Variants in CLSTN1 observed in about 807,000 individuals in gnomAD.
CLSTN1 encodes the protein calsyntenin 1.
Under a neutral mutation model 108.3 loss-of-function variants are expected in CLSTN1, and 28 were observed. The ratio of observed to expected loss-of-function variants is 0.26; its 90% CI spans 0.19 to 0.35. CLSTN1 has a LOEUF of 0.35. Ranked by LOEUF, CLSTN1 falls within the 10% of genes least tolerant of loss-of-function variation. The pLI, the probability that CLSTN1 is intolerant of heterozygous loss-of-function variation, is 1.00. For missense variants in CLSTN1, 1,157 were observed against 1,302.6 expected, an observed-to-expected ratio of 0.89 and a Z score of 1.72; for synonymous variants, 524 against 534.9, an observed-to-expected ratio of 0.98 and a Z score of 0.28.
At chr1:9,775,034 A>G (rs1482082342) in intron 1 of CLSTN1, among the ~76,000 whole-genome samples, 3 of 152,060 alleles carry the variant, frequency 2.0e-5, no homozygotes, top group African/African-American at 7.2e-5. Flanking sequence ...ATGTATTTTA[A>G]TTAGTGTATA....
Position 9,741,163 on chromosome 1 carries a change from C to A in CLSTN1, c.1450G>T (p.Val484Leu), listed in dbSNP as rs1296316873. Residue 484 changes from valine (V) to leucine (L), a missense_variant, in exon 10 of 19, where the codon GTG becomes TTG. Coordinates refer to ENST00000377298, the MANE Select transcript of CLSTN1 (RefSeq NM_001009566.3). The part of the protein sequence containing the change: ...VDGTSHEPFS[V>L]TEDYPLHPSK... ...GGATGGAGCGGGTAATCCTCAGTCA[C>A]AGAGAAGGGCTCGTGGGACGTGCCA... is the stretch of plus-strand genomic sequence containing the variant. The A allele has an allele frequency of 6.2e-7, 1 of 1,614,156 alleles. No individual in the cohort carries two copies. Among genetic ancestry groups the A allele is most frequent in the Non-Finnish European group, 8.5e-7 (1 of 1,180,022 alleles).
chr1:9,821,790 A>C (rs1655200365), intron 1 of CLSTN1, among the ~76,000 whole-genome samples: 1 of 152,236 alleles, frequency 6.6e-6, no homozygotes, highest in East Asian at 1.9e-4. Flanking sequence ...ACCTGAAAAA[A>C]ATGCATACGA....
In CLSTN1 at chr1:9,751,801, C is replaced by T. The variant is rs1278350989; in HGVS notation, c.441-120G>A. On this transcript the variant is annotated intron_variant, in intron 4 of 18. Transcript: ENST00000377298. Reference sequence around the variant, plus strand: ...ACTTTAAAATTTCCTGTTTCTGATACCTTGTTTCATGAAATTCATATGATG... The same window carrying T: ...ACTTTAAAATTTCCTGTTTCTGATATCTTGTTTCATGAAATTCATATGATG... 3.8e-6 allele frequency: 3 copies of T among 785,860 alleles called. No homozygotes were observed. In the African/African-American group the frequency reaches 5.2e-5, roughly 14 times the overall value. 48.7% of individuals were successfully genotyped at this position (785,860 alleles called of 1,614,324 possible). A position where few individuals can be genotyped will look rare whatever the true frequency, so the allele number is the denominator to read the frequency against.
At chr1:9,781,871 T>C (rs1401165452) in intron 1 of CLSTN1, among the ~76,000 whole-genome samples, 1 of 152,210 alleles carries the variant, frequency 6.6e-6, no homozygotes, top group East Asian at 1.9e-4. Flanking sequence ...GCTGTGCCTG[T>C]AGTGGAACCC....
At chr1:9,743,851 C>G (rs374099815) in intron 9 of CLSTN1, 33 bp downstream of exon 9, 4 of 1,612,076 alleles carry the variant, frequency 2.5e-6, no homozygotes, top group Admixed American at 3.3e-5. Context: ...AGCACCTTGC[C>G]CGGCCCTATT....
chr1:9,773,516 G>A (rs1652791590), intron 1 of CLSTN1, 122 bp from the exon 2 acceptor site: 3 of 1,092,902 alleles, frequency 2.7e-6, no homozygotes, highest in East Asian at 2.9e-5. Flanking sequence ...TGAAGACAGT[G>A]CTCACAGTTC....
Position 9,744,643 on chromosome 1 carries a change from C to G in CLSTN1, c.986G>C (p.Gly329Ala). 6.2e-7 allele frequency: 1 copy of G among 1,606,516 alleles called. No individual in the cohort carries two copies. Among genetic ancestry groups the G allele is most frequent in the Non-Finnish European group, 8.5e-7 (1 of 1,178,516 alleles). Residue 329 changes from glycine to alanine, a missense_variant and splice_region_variant, in exon 8 of 19, where the codon GGT (glycine) becomes GCT (alanine). Gly to Ala is a moderately conservative substitution (Grantham distance 60). Coordinates refer to ENST00000377298, the MANE Select transcript of CLSTN1 (RefSeq NM_001009566.3). ...CAGCTCGGCAGTGCCCGCGGCCGCA[C>G]CTGAAGCCACAGTGCTCGGTGAAAC... ...YSEKSLHRLC[G>A]AAAGTAELLP...
chr1:9,768,084 C>G (rs555852115), intron 2 of CLSTN1, among the ~76,000 whole-genome samples: 1 of 152,204 alleles, frequency 6.6e-6, no homozygotes. Flanking sequence ...TAAGGCCACA[C>G]AGCCAATAAG....
chr1:9,798,477 AC>A (rs1259724230), intron 1 of CLSTN1, among the ~76,000 whole-genome samples: 2 of 152,240 alleles, frequency 1.3e-5, no homozygotes, highest in Non-Finnish European at 2.9e-5. Flanking sequence ...AGTGAAAGAA[AC>A]CAGACATAAA....
intron 3 of CLSTN1, 30 bp downstream of exon 3, chr1:9,756,450 CA>C (rs1482393539): frequency 1.3e-6 from 2 of 1,595,316 alleles, no homozygotes; most frequent in Non-Finnish European, 1.7e-6. Context: ...GGTTAATATT[CA>C]TAAGAGGGGA....
chr1:9,806,646 G>A (rs928563779), intron 1 of CLSTN1, among the ~76,000 whole-genome samples: 14 of 152,164 alleles, frequency 9.2e-5, no homozygotes, highest in Admixed American at 1.3e-4. Context: ...TTGGGAGGCC[G>A]AGGCAGGTGG....
At position 9,742,769 on chromosome 1, in the gene CLSTN1, G is replaced by A. The variant is rs536596368; in HGVS notation, c.1356+1115C>T. 2.0e-5 allele frequency among the ~76,000 whole-genome samples: 3 copies of A among 152,244 alleles called. No homozygotes were observed. The East Asian group carries it at 5.8e-4, about 29-fold the overall frequency. On this transcript the variant is annotated intron_variant, in intron 9 of 18. Coordinates refer to ENST00000377298, the MANE Select transcript of CLSTN1 (RefSeq NM_001009566.3). ...CTAAAAATACAAAAATTAGCCGGGC[G>A]TGGTGGCGCACGCCTGTAATCCCAG...
chr1:9,778,997 T>C (rs533753358), intron 1 of CLSTN1, among the ~76,000 whole-genome samples: 13 of 145,152 alleles, frequency 9.0e-5, no homozygotes, highest in African/African-American at 3.3e-4. Context: ...CACTCCAGCC[T>C]GGGAGAGAAG....
chr1:9,743,579 ACT>A (rs1651088696), intron 9 of CLSTN1, among the ~76,000 whole-genome samples: 1 of 152,078 alleles, frequency 6.6e-6, no homozygotes, highest in African/African-American at 2.4e-5. Context: ...ACGGGGTCTC[ACT>A]CTGTCATCCA....
At chr1:9,779,023 C>CAA (rs70998309) in intron 1 of CLSTN1, among the ~76,000 whole-genome samples, 44 of 102,152 alleles carry the variant, frequency 4.3e-4, no homozygotes, top group East Asian at 2.5e-3. Flanking sequence ...GACTTCGTCT[C>CAA]AAAAAAAAAA....
intron 1 of CLSTN1, among the ~76,000 whole-genome samples, chr1:9,774,865 TAAACG>T (rs1652860590): frequency 6.6e-6 from 1 of 152,164 alleles, no homozygotes; most frequent in Non-Finnish European, 1.5e-5. Flanking sequence ...GATTACACGC[TAAACG>T]AAGGGTGGAT....
chr1:9,766,487 G>C (rs1020990151), intron 2 of CLSTN1, among the ~76,000 whole-genome samples: 1 of 152,140 alleles, frequency 6.6e-6, no homozygotes, highest in African/African-American at 2.4e-5. Flanking sequence ...GTGAAACCCC[G>C]TCTCTATTAT....
At chr1:9,803,423 A>C (rs570898086) in intron 1 of CLSTN1, among the ~76,000 whole-genome samples, 12 of 152,342 alleles carry the variant, frequency 7.9e-5, no homozygotes, top group African/African-American at 2.9e-4. Context: ...TCCATGGGTA[A>C]AACCAGATTC....
chr1:9,756,733 G>A (rs1362626178), intron 2 of CLSTN1, among the ~76,000 whole-genome samples: 2 of 152,062 alleles, frequency 1.3e-5, no homozygotes, highest in African/African-American at 4.8e-5. Context: ...ATTAATTTAG[G>A]GATGAAATAC....
Sources: allele counts gnomAD v4.1 joint callset (sites outside exome capture counted in the v4.1 genomes callset), GRCh38; gene constraint gnomAD v4.1.1; transcripts MANE v1.5; gene names NCBI Gene and HGNC (gene_info 2026-07-23, HGNC 2026-07-21).